PALM2AKAP2: variants seen among roughly 807,000 people sequenced by gnomAD.
PALM2AKAP2 encodes PALM2-AKAP2 fusion protein.
A neutral mutation model predicts 71.5 loss-of-function variants in PALM2AKAP2; 37 were observed. The observed-to-expected ratio is 0.52, with a 90% CI of 0.40 to 0.68. The LOEUF is 0.68. Among genes scored for constraint, PALM2AKAP2 ranks in the 30% least tolerant of loss-of-function variants. PALM2AKAP2 has a pLI of 0.00. For missense variants in PALM2AKAP2, 1,224 were observed against 1,191.8 expected (o/e 1.03, Z -0.40); for synonymous variants, 468 against 478.8 (o/e 0.98, Z 0.29).
At chr9:109,857,597 C>T (rs1206674508) in intron 1 of PALM2AKAP2, among the ~76,000 whole-genome samples, 1 of 152,158 alleles carries the variant, frequency 6.6e-6, no homozygotes, top group Non-Finnish European at 1.5e-5. Flanking sequence ...TTCATGTGTC[C>T]AGAGTGGAAT....
At chr9:109,965,943 G>A (rs565915375) in intron 6 of PALM2AKAP2, among the ~76,000 whole-genome samples, 1 of 152,266 alleles carries the variant, frequency 6.6e-6, no homozygotes, top group South Asian at 2.1e-4. Flanking sequence ...ACCAGGCAAG[G>A]GAAAAGGCAA....
chr9:110,136,578 A>AC lies in PALM2AKAP2; in HGVS notation c.609dup (p.Ile204HisfsTer5). 1 of 1,613,680 alleles carries AC rather than the reference A, an allele frequency of 6.2e-7. No individual in the cohort carries two copies. Among genetic ancestry groups the AC allele is most frequent in the Non-Finnish European group, 8.5e-7 (1 of 1,180,036 alleles). On this transcript the variant is annotated frameshift_variant, in exon 2 of 4. Coordinates refer to ENST00000374525, the Ensembl canonical transcript of PALM2AKAP2. LOFTEE classifies it high-confidence loss of function. ...ACAGCTAGCCGGCAGGCACCTCCTCACATCGAGCTCAGTAATAGCAGCCCT... is the reference window on the plus strand; with the variant it reads ...ACAGCTAGCCGGCAGGCACCTCCTCACCATCGAGCTCAGTAATAGCAGCCCT...
chr9:110,091,459 CTTTTTTTTTT>C (rs66848294), intron 1 of PALM2AKAP2, among the ~76,000 whole-genome samples: 2 of 83,656 alleles, frequency 2.4e-5, no homozygotes, highest in East Asian at 3.2e-4. Flanking sequence ...GAGATTTATT[CTTTTTTTTTT>C]TTTTTTTTTT....
intron 1 of PALM2AKAP2, among the ~76,000 whole-genome samples, chr9:110,056,589 A>G (rs1478937448): frequency 6.6e-6 from 1 of 152,222 alleles, no homozygotes; most frequent in Non-Finnish European, 1.5e-5. Context: ...TTTGCATCAG[A>G]ACATTTTATA....
chr9:110,020,448 C>T (rs990335420), intron 7 of PALM2AKAP2, among the ~76,000 whole-genome samples: 4 of 152,004 alleles, frequency 2.6e-5, no homozygotes, highest in Admixed American at 6.5e-5. Flanking sequence ...TGTGGGAGGC[C>T]GAGGTGGGTG....
At chr9:109,730,462 T>A (rs1033431891) in intron 1 of PALM2AKAP2, among the ~76,000 whole-genome samples, 10 of 152,230 alleles carry the variant, frequency 6.6e-5, no homozygotes, top group Non-Finnish European at 1.5e-4. Flanking sequence ...CAACTTATTC[T>A]AGAATGTTGC....
chr9:110,052,362 A>T (rs1232849387), intron 1 of PALM2AKAP2, among the ~76,000 whole-genome samples: 1 of 152,246 alleles, frequency 6.6e-6, no homozygotes, highest in Non-Finnish European at 1.5e-5. Flanking sequence ...GTTACCATGG[A>T]CCATGATGGG....
intron 3 of PALM2AKAP2, among the ~76,000 whole-genome samples, chr9:109,907,340 A>G (rs1230829693): frequency 6.6e-6 from 1 of 152,252 alleles, no homozygotes; most frequent in Non-Finnish European, 1.5e-5. Context: ...ATAAACATGA[A>G]TGAGTGACCC....
chr9:110,060,888 T>G (rs758148366), intron 1 of PALM2AKAP2, among the ~76,000 whole-genome samples: 2 of 152,170 alleles, frequency 1.3e-5, no homozygotes, highest in Non-Finnish European at 2.9e-5. Context: ...CAGGAGTTTT[T>G]ACTCTAAATA....
chr9:109,722,648 C>G (rs577553697), intron 1 of PALM2AKAP2, among the ~76,000 whole-genome samples: 1 of 151,966 alleles, frequency 6.6e-6, no homozygotes, highest in African/African-American at 2.4e-5. Flanking sequence ...GGCATGCACC[C>G]GTAGACCCAG....
chr9:109,889,914 A>C (rs1830047735), intron 3 of PALM2AKAP2, among the ~76,000 whole-genome samples: 3 of 152,226 alleles, frequency 2.0e-5, no homozygotes, highest in Admixed American at 2.0e-4. Flanking sequence ...CTGCAATGGA[A>C]GGAATTCTGC....
chr9:110,146,161 G>A (rs1170271853), intron 2 of PALM2AKAP2, among the ~76,000 whole-genome samples: 2 of 152,030 alleles, frequency 1.3e-5, no homozygotes, highest in Non-Finnish European at 2.9e-5. Context: ...GCCTCCCAAA[G>A]TGCTGGGATT....
chr9:109,781,931 T>C (rs1281161232), intron 1 of PALM2AKAP2, among the ~76,000 whole-genome samples: 1 of 152,228 alleles, frequency 6.6e-6, no homozygotes, highest in Non-Finnish European at 1.5e-5. Context: ...AATGGTGATA[T>C]TGAGTTAATG....
intron 6 of PALM2AKAP2, among the ~76,000 whole-genome samples, chr9:109,989,183 A>G (rs909889467): frequency 6.6e-6 from 1 of 152,226 alleles, no homozygotes; most frequent in African/African-American, 2.4e-5. Flanking sequence ...TTGAATCTGG[A>G]GCGAAAAGGA....
intron 1 of PALM2AKAP2, among the ~76,000 whole-genome samples, chr9:109,729,720 G>A (rs577776395): frequency 2.0e-5 from 3 of 152,290 alleles, no homozygotes; most frequent in South Asian, 4.1e-4. Flanking sequence ...CAGAATGCAG[G>A]ATGGTTCCTA....
At chr9:109,644,423 A>G (rs1027387038) in intron 1 of PALM2AKAP2, among the ~76,000 whole-genome samples, 15 of 152,160 alleles carry the variant, frequency 9.9e-5, no homozygotes, top group African/African-American at 3.1e-4. Flanking sequence ...TAAAAGAGGG[A>G]ATTAAATTCA....
chr9:109,664,975 C>T (rs1339598605), intron 1 of PALM2AKAP2, among the ~76,000 whole-genome samples: 2 of 152,140 alleles, frequency 1.3e-5, no homozygotes, highest in African/African-American at 4.8e-5. Flanking sequence ...TTGATTGAAT[C>T]GGCTATTGAA....
chr9:109,912,985 G>A (rs1223850837), intron 3 of PALM2AKAP2, among the ~76,000 whole-genome samples: 1 of 152,214 alleles, frequency 6.6e-6, no homozygotes, highest in East Asian at 1.9e-4. Context: ...CCTTGGCCAG[G>A]GATGTGAGCC....
intron 2 of PALM2AKAP2, among the ~76,000 whole-genome samples, chr9:109,878,831 A>G (rs981247031): frequency 6.6e-6 from 1 of 152,082 alleles, no homozygotes; most frequent in African/African-American, 2.4e-5. Context: ...TCTGCCCCCC[A>G]GGTTCTAGTG....
Sources: gnomAD v4.1 joint callset for allele counts (sites outside exome capture counted in the v4.1 genomes callset) on GRCh38, gnomAD v4.1.1 for gene constraint, MANE v1.5 for transcripts, NCBI Gene and HGNC (gene_info 2026-07-23, HGNC 2026-07-21) for gene names.